KIAA1549L: variants seen among roughly 807,000 people sequenced by gnomAD.
KIAA1549L encodes UPF0606 protein KIAA1549L.
In KIAA1549L, 88 loss-of-function variants were observed where a neutral mutation model predicts 160.7. The observed-to-expected ratio is 0.55, with a 90% CI of 0.46 to 0.65. The LOEUF (loss-of-function observed/expected upper bound fraction) is 0.65. KIAA1549L is among the 30% of genes least tolerant of loss of function. The probability of loss-of-function intolerance (pLI) is 0.00; values close to 1 mark genes in which losing one functional copy is unlikely to be tolerated. For synonymous variants in KIAA1549L, 950 were observed against 976.7 expected, an observed-to-expected ratio of 0.97 and a Z score of 0.51; for missense variants, 2,258 against 2,437.5, an observed-to-expected ratio of 0.93 and a Z score of 1.55.
Position 33,668,522 on chromosome 11 carries a change from C to T in KIAA1549L, c.*368C>T, listed in dbSNP as rs980488216. On this transcript the variant is annotated 3_prime_UTR_variant, in exon 21 of 21. Coordinates refer to ENST00000658780, the MANE Select transcript of KIAA1549L (RefSeq NM_012194.3). ...TCACCGGAAGCGGGAGAATGTAGCT[C>T]TTATCTTCGGTGACCTCTGCATGTT... 2 of 287,642 alleles carry T rather than the reference C, an allele frequency of 7.0e-6. No homozygotes were observed. The highest frequency in any genetic ancestry group is 4.7e-5 in the Admixed American group (1 of 21,154). 17.8% of individuals were successfully genotyped at this position (287,642 alleles called of 1,614,324 possible).
chr11:33,451,383 A>T (rs1851717309), intron 1 of KIAA1549L, among the ~76,000 whole-genome samples: 1 of 152,232 alleles, frequency 6.6e-6, no homozygotes, highest in Non-Finnish European at 1.5e-5. Context: ...CAACAATTTT[A>T]CAAGGGGACA....
chr11:33,396,676 C>CA (rs34921263), intron 1 of KIAA1549L, among the ~76,000 whole-genome samples: 2,858 of 151,474 alleles, frequency 0.019, 35 homozygotes, highest in Middle Eastern at 0.082. Context: ...TAAAAGCTTC[C>CA]AAAAAAATGG....
chr11:33,611,427 G>A (rs575840557), intron 15 of KIAA1549L, among the ~76,000 whole-genome samples: 9 of 152,202 alleles, frequency 5.9e-5, no homozygotes, highest in East Asian at 3.9e-4. Context: ...TTTATGAATT[G>A]GATCAACATA....
At chr11:33,421,025 A>G (rs1851000281) in intron 1 of KIAA1549L, among the ~76,000 whole-genome samples, 1 of 152,164 alleles carries the variant, frequency 6.6e-6, no homozygotes. Flanking sequence ...TTATGTTTTA[A>G]ATAATGGATA....
At position 33,468,634 on chromosome 11, in the gene KIAA1549L, G is replaced by C. The variant is rs1852110728; in HGVS notation, c.239-73168G>C. 2.6e-5 allele frequency among the ~76,000 whole-genome samples: 4 copies of C among 152,268 alleles called. No individual in the cohort carries two copies. In the South Asian group the frequency reaches 8.3e-4, roughly 32 times the overall value. ...GTTGGTTGATCCTCTTTTATGTACTGGTGAGTGATGTTCCTTATTTATAAA... is the reference window on the plus strand; with the variant it reads ...GTTGGTTGATCCTCTTTTATGTACTCGTGAGTGATGTTCCTTATTTATAAA... On this transcript the variant is annotated intron_variant, in intron 1 of 20. Transcript: ENST00000658780.
intron 1 of KIAA1549L, among the ~76,000 whole-genome samples, chr11:33,532,143 C>G (rs1020746341): frequency 5.9e-5 from 9 of 152,218 alleles, no homozygotes; most frequent in Admixed American, 4.6e-4. Context: ...AGCCCTTGCC[C>G]TCTCTGAGCT....
intron 4 of KIAA1549L, 77 bp downstream of exon 4, chr11:33,547,956 C>T: frequency 1.1e-6 from 1 of 948,138 alleles, no homozygotes; most frequent in Non-Finnish European, 1.7e-6. Context: ...AGATTGTTTT[C>T]CTCCTTTCTA....
At chr11:33,630,521 C>A (rs184290304) in intron 16 of KIAA1549L, among the ~76,000 whole-genome samples, 1 of 152,228 alleles carries the variant, frequency 6.6e-6, no homozygotes, top group African/African-American at 2.4e-5. Context: ...GCGCAGTATT[C>A]GGGTGGGAGT....
intron 9 of KIAA1549L, 106 bp from the exon 10 acceptor site, chr11:33,574,596 A>G (rs547078538): frequency 6.5e-6 from 7 of 1,072,684 alleles, no homozygotes; most frequent in East Asian, 2.5e-5. Flanking sequence ...GCGTCTAGCC[A>G]CAGAAGTCTT....
intron 11 of KIAA1549L, among the ~76,000 whole-genome samples, chr11:33,586,053 A>C (rs377119278): frequency 1.3e-5 from 2 of 152,216 alleles, no homozygotes; most frequent in East Asian, 3.8e-4. Flanking sequence ...ACCCAGGGAC[A>C]CTGCAGTGTT....
intron 1 of KIAA1549L, among the ~76,000 whole-genome samples, chr11:33,460,243 A>G (rs1851915467): frequency 6.6e-6 from 1 of 152,112 alleles, no homozygotes. Context: ...TGGAAGTAGA[A>G]AATTGGCTTT....
At position 33,420,619 on chromosome 11, in the gene KIAA1549L, G is replaced by A. The variant is rs184597006; in HGVS notation, c.238+43730G>A. Among the ~76,000 whole-genome samples the A allele has an allele frequency of 2.7e-4, 41 of 152,314 alleles. 1 individual carries two copies. Among genetic ancestry groups the A allele is most frequent in the East Asian group, 1.9e-4 (1 of 5,192 alleles). On this transcript the variant is annotated intron_variant, in intron 1 of 20. Coordinates refer to ENST00000658780, the MANE Select transcript of KIAA1549L (RefSeq NM_012194.3). ...TATATAAGAACTACCGTTTTAGGGAGAAGTGAAGAGAGTGAGGACTGAACC... is the reference window on the plus strand; with the variant it reads ...TATATAAGAACTACCGTTTTAGGGAAAAGTGAAGAGAGTGAGGACTGAACC...
intron 17 of KIAA1549L, among the ~76,000 whole-genome samples, chr11:33,654,505 C>T (rs1264629921): frequency 6.6e-6 from 1 of 152,188 alleles, no homozygotes; most frequent in Admixed American, 6.5e-5. Flanking sequence ...CAAGGATTTA[C>T]AATTGCTTCT....
chr11:33,456,600 CAG>C (rs1399883800), intron 1 of KIAA1549L, among the ~76,000 whole-genome samples: 1 of 152,076 alleles, frequency 6.6e-6, no homozygotes, highest in African/African-American at 2.4e-5. Flanking sequence ...TTTGTAGAGA[CAG>C]GGTTTCACCA....
intron 1 of KIAA1549L, among the ~76,000 whole-genome samples, chr11:33,398,950 G>GTTTTTT (rs71034680): frequency 7.1e-6 from 1 of 140,012 alleles, no homozygotes. Flanking sequence ...TCCAGTGAGT[G>GTTTTTT]TTTTTTTTTT....
At chr11:33,487,238 G>C (rs957534614) in intron 1 of KIAA1549L, among the ~76,000 whole-genome samples, 9 of 152,180 alleles carry the variant, frequency 5.9e-5, no homozygotes, top group African/African-American at 1.7e-4. Context: ...CTCAGCGCTA[G>C]CTGTAGATCA....
chr11:33,584,422 G>T (rs1590368476), intron 11 of KIAA1549L, among the ~76,000 whole-genome samples: 1 of 152,132 alleles, frequency 6.6e-6, no homozygotes, highest in Non-Finnish European at 1.5e-5. Flanking sequence ...CTGTCCTGGG[G>T]CCCCATCCAC....
At chr11:33,482,258 C>T (rs368757545) in intron 1 of KIAA1549L, among the ~76,000 whole-genome samples, 2 of 152,118 alleles carry the variant, frequency 1.3e-5, no homozygotes, top group African/African-American at 2.4e-5. Flanking sequence ...ACTATAACCA[C>T]GTCATCTTGA....
rs1405875328 is a variant in KIAA1549L at position 33,672,485 on chromosome 11, C to T, written c.*4331C>T. The stretch of plus-strand genomic sequence containing the variant: ...TTAAGCATGGCCCCATGGACTGACC[C>T]TTTCAGCAGGGACTTTTATTGGGGG... On this transcript the variant is annotated 3_prime_UTR_variant, in exon 21 of 21. Coordinates refer to ENST00000658780, the MANE Select transcript of KIAA1549L (RefSeq NM_012194.3). The T allele has an allele frequency of 6.5e-6, 1 of 153,208 alleles. No individual in the cohort carries two copies. Among genetic ancestry groups the T allele is most frequent in the Non-Finnish European group, 1.5e-5 (1 of 68,112 alleles). The allele number at this position is 153,208 out of a possible 1,614,324, so 9.5% of individuals were successfully genotyped here.
Sources: gnomAD v4.1 joint callset for allele counts (sites outside exome capture counted in the v4.1 genomes callset) on GRCh38, gnomAD v4.1.1 for gene constraint, MANE v1.5 for transcripts, NCBI Gene and HGNC (gene_info 2026-07-23, HGNC 2026-07-21) for gene names.